The following SF3A3 variants were observed in gnomAD, a reference collection of about 807,000 sequenced individuals.
The protein encoded by SF3A3 is SAP 61.
A neutral mutation model predicts 85.8 loss-of-function variants in SF3A3; 9 were observed. That is an observed-to-expected ratio of 0.10 (90% CI 0.06 to 0.18). The LOEUF is 0.18. SF3A3 is among the 10% of genes least tolerant of loss of function. The probability of loss-of-function intolerance (pLI) is 1.00; values close to 1 mark genes in which losing one functional copy is unlikely to be tolerated. For missense variants in SF3A3, 306 were observed against 593.3 expected (o/e 0.52, Z 5.03); for synonymous variants, 195 against 204.4 (o/e 0.95, Z 0.39).
At chr1:37,989,450 C>T in intron 2 of SF3A3, 98 bp downstream of exon 2, 2 of 1,345,896 alleles carry the variant, frequency 1.5e-6, no homozygotes, top group Admixed American at 2.2e-5. Flanking sequence ...AATCCGGTTA[C>T]CTTTGGCCAG....
chr1:37,971,385 A>G (rs1646343500), intron 12 of SF3A3, among the ~76,000 whole-genome samples: 1 of 152,180 alleles, frequency 6.6e-6, no homozygotes, highest in Admixed American at 6.5e-5. Context: ...ACCAAAAAAA[A>G]GTCCAGGACC....
rs1267699510 is a variant in SF3A3, at chr1:37,969,637, C to G, written c.1104G>C (p.Glu368Asp). ...TGATCTCGTTCTCTTCATCTTCACT[C>G]TCACTCTCACTGATCTGCTCTTCTT... ...EEEEEQISESESEDEENEIIY... is the reference protein window; with the variant it reads ...EEEEEQISESDSEDEENEIIY... The change falls in exon 13 of 17, where the codon GAG (glutamate) becomes GAC (aspartate). Residue 368 changes from glutamate to aspartate, a missense_variant. By Grantham distance (45) the Glu-to-Asp change is conservative. Around this residue, in one of 4 missense-constraint regions of SF3A3, gnomAD observed 136 missense variants for 296.6 expected, o/e 0.46. Coordinates refer to ENST00000373019, the MANE Select transcript of SF3A3 (RefSeq NM_006802.4). The G allele has an allele frequency of 6.2e-7, 1 of 1,614,030 alleles. No homozygotes were observed. The highest frequency in any genetic ancestry group is 1.7e-5 in the Admixed American group (1 of 60,026).
At chr1:37,962,155 T>C (rs763898008) in intron 15 of SF3A3, among the ~76,000 whole-genome samples, 44 of 150,712 alleles carry the variant, frequency 2.9e-4, no homozygotes, top group Non-Finnish European at 5.5e-4. Flanking sequence ...GCCCAGGTAA[T>C]ATGCACATCA....
intron 7 of SF3A3, 88 bp downstream of exon 7, chr1:37,981,641 A>G (rs1646419704): frequency 1.2e-6 from 1 of 834,018 alleles, no homozygotes; most frequent in Non-Finnish European, 2.0e-6. Flanking sequence ...TATGCCTTCC[A>G]GGCAACAAAT....
chr1:37,965,938 C>T (rs896110282), intron 15 of SF3A3, among the ~76,000 whole-genome samples: 16 of 152,264 alleles, frequency 1.1e-4, no homozygotes, highest in African/African-American at 3.4e-4. Flanking sequence ...CGGTGGCTAA[C>T]GCCTGTAATC....
intron 7 of SF3A3, 115 bp from the exon 8 acceptor site, chr1:37,980,839 CTCTT>C (rs1268687282): frequency 4.8e-5 from 15 of 309,502 alleles, no homozygotes; most frequent in Admixed American, 6.1e-5. Context: ...CTTTTTAATA[CTCTT>C]TTTTTTTTTT....
chr1:37,959,525 C>T (rs1646242659), intron 16 of SF3A3, among the ~76,000 whole-genome samples: 1 of 152,122 alleles, frequency 6.6e-6, no homozygotes, highest in Non-Finnish European at 1.5e-5. Context: ...TTCCTCCTGC[C>T]TCAGTCCCAA....
At chr1:37,964,300 G>A (rs1646283578) in intron 15 of SF3A3, among the ~76,000 whole-genome samples, 3 of 152,080 alleles carry the variant, frequency 2.0e-5, no homozygotes, top group Admixed American at 2.0e-4. Flanking sequence ...AAAGAAGGCA[G>A]TAAGGCGTTG....
intron 15 of SF3A3, among the ~76,000 whole-genome samples, chr1:37,967,505 C>A (rs1397919604): frequency 6.6e-6 from 1 of 151,572 alleles, no homozygotes; most frequent in East Asian, 2.0e-4. Flanking sequence ...CTGTGAAACC[C>A]TGTCTCTACT....
intron 15 of SF3A3, among the ~76,000 whole-genome samples, chr1:37,965,435 A>G (rs1034821223): frequency 1.3e-5 from 2 of 152,176 alleles, no homozygotes; most frequent in African/African-American, 4.8e-5. Flanking sequence ...AATCTCTGTC[A>G]ATATAAACAG....
chr1:37,978,886 T>C, intron 10 of SF3A3, 59 bp from the exon 11 acceptor site: 1 of 1,564,034 alleles, frequency 6.4e-7, no homozygotes, highest in South Asian at 1.1e-5. Flanking sequence ...GCTGGCTTAT[T>C]TTTGCAGTGT....
chr1:37,961,780 A>AAAAAAAAAAG (rs1553164720), intron 15 of SF3A3, among the ~76,000 whole-genome samples: 3 of 141,848 alleles, frequency 2.1e-5, no homozygotes, highest in South Asian at 2.2e-4. Flanking sequence ...AAAAAAAAAA[A>AAAAAAAAAAG]AAAGAAAGAA....
At chr1:37,968,531 T>C (rs971482403) in intron 14 of SF3A3, among the ~76,000 whole-genome samples, 1 of 152,132 alleles carries the variant, frequency 6.6e-6, no homozygotes, top group African/African-American at 2.4e-5. Context: ...ATCATCTTTG[T>C]AGGTAAAGGA....
At chr1:37,960,073 C>A in intron 16 of SF3A3, 47 bp downstream of exon 16, 6 of 1,521,200 alleles carry the variant, frequency 3.9e-6, no homozygotes, top group Non-Finnish European at 5.5e-6. Flanking sequence ...TGAGGGAGCT[C>A]TCTATCACTT....
At chr1:37,974,877 T>C (rs1466741483) in intron 12 of SF3A3, among the ~76,000 whole-genome samples, 1 of 152,224 alleles carries the variant, frequency 6.6e-6, no homozygotes. Flanking sequence ...TATCTAATAC[T>C]GTTGTATCTT....
chr1:37,965,835 T>TG (rs930380514), intron 15 of SF3A3, among the ~76,000 whole-genome samples: 9 of 54,676 alleles, frequency 1.6e-4, no homozygotes, highest in South Asian at 7.4e-4. Flanking sequence ...GGGGGTGGGA[T>TG]GGGGGGGTAA....
chr1:37,970,831 A>AGAATCTCTGG (rs1646340305), intron 12 of SF3A3, among the ~76,000 whole-genome samples: 1 of 152,206 alleles, frequency 6.6e-6, no homozygotes, highest in Non-Finnish European at 1.5e-5. Flanking sequence ...ACAACATACC[A>AGAATCTCTGG]GAATCTCTGG....
rs374439890 is a variant in SF3A3 at position 37,980,740 on chromosome 1, C to A, written c.552-16G>T. ...CTCTAGGTATCTACAGAGGAACACA[C>A]AATGCAGACAAAGCAAAAAGGGTTT... On this transcript the variant is annotated splice_polypyrimidine_tract_variant and intron_variant, in intron 7 of 16. Coordinates refer to ENST00000373019, the MANE Select transcript of SF3A3 (RefSeq NM_006802.4). 1.3e-6 allele frequency: 2 copies of A among 1,579,910 alleles called. No individual in the cohort carries two copies. Among genetic ancestry groups the A allele is most frequent in the East Asian group, 2.3e-5 (1 of 43,910 alleles).
intron 12 of SF3A3, among the ~76,000 whole-genome samples, chr1:37,974,297 CTTTTTTTTTTT>C (rs61606709): frequency 3.0e-5 from 3 of 100,062 alleles, no homozygotes; most frequent in Admixed American, 1.1e-4. Context: ...AAGATGACCA[CTTTTTTTTTTT>C]TTTTTTTTTT....
Sources: allele counts gnomAD v4.1 joint callset (sites outside exome capture counted in the v4.1 genomes callset), GRCh38; gene constraint gnomAD v4.1.1; regional missense constraint gnomAD v4.1.1; transcripts MANE v1.5; gene names NCBI Gene and HGNC (gene_info 2026-07-23, HGNC 2026-07-21).